TPTE2: variants seen among roughly 807,000 people sequenced by gnomAD.
TPTE2 encodes transmembrane phosphoinositide 3-phosphatase and tensin homolog 2.
TPTE2 carries 53 observed loss-of-function variants against 78.6 expected under a neutral mutation model. The observed-to-expected ratio is 0.67, with a 90% CI of 0.54 to 0.85. The LOEUF is 0.85. Among genes scored for constraint, TPTE2 ranks in the 40% least tolerant of loss-of-function variants. The probability of loss-of-function intolerance (pLI) is 0.00; values close to 1 mark genes in which losing one functional copy is unlikely to be tolerated. For missense variants in TPTE2, 461 were observed against 623.0 expected, an observed-to-expected ratio of 0.74 and a Z score of 2.77; for synonymous variants, 175 against 206.2, an observed-to-expected ratio of 0.85 and a Z score of 1.30.
At chr13:19,497,986 A>G (rs1881496126) in intron 1 of TPTE2, among the ~76,000 whole-genome samples, 1 of 151,770 alleles carries the variant, frequency 6.6e-6, no homozygotes, top group Admixed American at 6.6e-5. Flanking sequence ...CCAAGGCTCG[A>G]GAACTACGTG....
rs1456356354 is a variant in TPTE2 at position 19,496,909 on chromosome 13, T to C, written c.12-3408A>G. The stretch of plus-strand genomic sequence containing the variant: ...GTACTGGGTTCATCTCACTAGGGAG[T>C]GCCAGACAGTGGGCGCAGGTCAGTG... On this transcript the variant is annotated intron_variant, in intron 1 of 19. Transcript: ENST00000400230. 1.3e-5 allele frequency among the ~76,000 whole-genome samples: 2 copies of C among 151,952 alleles called. 1 individual carries two copies. The highest frequency in any genetic ancestry group is 2.9e-5 in the Non-Finnish European group (2 of 68,000).
the TPTE2 span, chr13:19,561,058 C>A: frequency 6.3e-7 from 1 of 1,576,474 alleles, no homozygotes; most frequent in Non-Finnish European, 8.6e-7. Flanking sequence ...GCACCAGCTT[C>A]CCACCGCCCT....
intron 4 of TPTE2, among the ~76,000 whole-genome samples, chr13:19,476,602 G>C (rs1278161105): frequency 6.6e-6 from 1 of 152,128 alleles, no homozygotes; most frequent in East Asian, 1.9e-4. Context: ...TGGCCAACAA[G>C]CATACGAAGA....
the TPTE2 span, among the ~76,000 whole-genome samples, chr13:19,549,362 T>C: frequency 2.2e-4 from 33 of 152,016 alleles, no homozygotes; most frequent in Non-Finnish European, 3.7e-4. Flanking sequence ...CAGACGATTC[T>C]CAAAAAAAGA....
intron 10 of TPTE2, among the ~76,000 whole-genome samples, chr13:19,459,678 C>T (rs540342532): frequency 2.0e-5 from 3 of 152,194 alleles, no homozygotes; most frequent in Non-Finnish European, 4.4e-5. Context: ...TCCATAGAAC[C>T]GTTGCTGCAG....
At chr13:19,423,116 T>C (rs769659627) in exon 20 of TPTE2, 4 of 1,612,202 alleles carry the variant, frequency 2.5e-6, no homozygotes, top group South Asian at 2.2e-5. Flanking sequence ...AAATTTTCCA[T>C]GCTTTTTGTT....
intron 1 of TPTE2, among the ~76,000 whole-genome samples, chr13:19,496,406 T>G (rs1320689204): frequency 2.0e-5 from 3 of 152,210 alleles, no homozygotes; most frequent in Admixed American, 6.5e-5. Context: ...AACTCTACTG[T>G]GTAGGCATTC....
chr13:19,423,547 A>C lies in TPTE2; in HGVS notation c.1467-383T>G, dbSNP rs1351666509. 3.9e-5 allele frequency among the ~76,000 whole-genome samples: 6 copies of C among 152,206 alleles called. No individual in the cohort carries two copies. In the East Asian group the frequency reaches 1.2e-3, roughly 29 times the overall value. On this transcript the variant is annotated intron_variant, in intron 19 of 19. Coordinates refer to ENST00000400230, the Ensembl canonical transcript of TPTE2. ...AAGTTGCAATTTTTTGAATTTTTAC[A>C]ATCAGACCTTGGAAATGACCTTGAG...
chr13:19,483,886 G>A (rs576651968), intron 3 of TPTE2, among the ~76,000 whole-genome samples: 173 of 151,878 alleles, frequency 1.1e-3, no homozygotes, highest in African/African-American at 3.9e-3. Flanking sequence ...CCATTAACTC[G>A]TCATTTACAT....
chr13:19,519,036 T>G lies in TPTE2; in HGVS notation c.-43-15759A>C, dbSNP rs143313185. Among the ~76,000 whole-genome samples the G allele has an allele frequency of 8.7e-3, 1,331 of 152,256 alleles. 28 individuals are homozygous for G. Among genetic ancestry groups the G allele is most frequent in the African/African-American group, 0.03 (1,264 of 41,550 alleles). Reference sequence around the variant, plus strand: ...GTCTTGGGGGCCCCTTATACTTTCATGAATTTTACTTGCAGAAACCCCACC... The same window carrying G: ...GTCTTGGGGGCCCCTTATACTTTCAGGAATTTTACTTGCAGAAACCCCACC... On this transcript the variant is annotated intron_variant, in intron 1 of 17. Transcript: ENST00000390680.
intron 1 of TPTE2, among the ~76,000 whole-genome samples, chr13:19,531,071 G>A (rs2137745189): frequency 6.6e-6 from 1 of 152,186 alleles, no homozygotes; most frequent in South Asian, 2.1e-4. Context: ...CCTATTCTAG[G>A]TGTCTCACAT....
In TPTE2 at chr13:19,532,599, T is replaced by C. The variant is rs1870954540; in HGVS notation, c.-44+3997A>G. On this transcript the variant is annotated intron_variant, in intron 1 of 17. Transcript: ENST00000390680. ...ACATTACCCAGTCTGTGGTATTCTG[T>C]TATAGCAGCTCAAAACAGACTAACA... Among the ~76,000 whole-genome samples the C allele has an allele frequency of 2.6e-5, 4 of 152,220 alleles. No individual in the cohort carries two copies. In the South Asian group the frequency reaches 8.3e-4, roughly 31 times the overall value.
At chr13:19,452,947 TA>T (rs1878269323) in intron 10 of TPTE2, among the ~76,000 whole-genome samples, 2 of 150,002 alleles carry the variant, frequency 1.3e-5, no homozygotes, top group African/African-American at 4.9e-5. Flanking sequence ...CTGTCCTTCA[TA>T]TTTTTTTATT....
At chr13:19,506,427 C>A (rs545307529), upstream of TPTE2, among the ~76,000 whole-genome samples, 2 of 152,106 alleles carry the variant, frequency 1.3e-5, no homozygotes, top group Admixed American at 1.3e-4. Context: ...CCCGCCTTGG[C>A]CTCCCAAAGT....
intron 17 of TPTE2, among the ~76,000 whole-genome samples, chr13:19,427,718 G>A (rs1876243902): frequency 6.6e-6 from 1 of 152,184 alleles, no homozygotes; most frequent in Non-Finnish European, 1.5e-5. Context: ...TTGTCAATGG[G>A]ATCTTTGAAC....
the TPTE2 span, among the ~76,000 whole-genome samples, chr13:19,553,723 C>T: frequency 2.6e-5 from 4 of 152,232 alleles, no homozygotes; most frequent in Non-Finnish European, 5.9e-5. Context: ...ATTTCAGTTA[C>T]GTACAATTCT....
At chr13:19,450,465 A>G in intron 11 of TPTE2, 121 bp from the exon 15 acceptor site, 2 of 879,782 alleles carry the variant, frequency 2.3e-6, no homozygotes, top group Non-Finnish European at 1.7e-6. Context: ...GAGCTTTCCA[A>G]GTTGCTCCTG....
At chr13:19,452,580 G>A (rs968710034) in intron 10 of TPTE2, among the ~76,000 whole-genome samples, 2 of 152,072 alleles carry the variant, frequency 1.3e-5, no homozygotes, top group African/African-American at 4.8e-5. Flanking sequence ...TAAACATTCA[G>A]TGTCACCAAT....
chr13:19,480,831 T>A (rs1880303794), intron 4 of TPTE2, among the ~76,000 whole-genome samples: 2 of 152,184 alleles, frequency 1.3e-5, no homozygotes, highest in Non-Finnish European at 2.9e-5. Context: ...TGACACAGAA[T>A]TTCCACTTCT....
Sources: gnomAD v4.1 joint callset for allele counts (sites outside exome capture counted in the v4.1 genomes callset) on GRCh38, gnomAD v4.1.1 for gene constraint, MANE v1.5 for transcripts, NCBI Gene and HGNC (gene_info 2026-07-23, HGNC 2026-07-21) for gene names.